GUCY1A2: variants seen among roughly 807,000 people sequenced by gnomAD.
The protein encoded by GUCY1A2 is guanylate cyclase 1 soluble subunit alpha 2, also known as guanylate cyclase soluble subunit alpha-2.
GUCY1A2 carries 27 observed loss-of-function variants against 63.5 expected under a neutral mutation model. The observed-to-expected ratio is 0.43, with a 90% CI of 0.31 to 0.59. The LOEUF (loss-of-function observed/expected upper bound fraction) is 0.59. Among genes scored for constraint, GUCY1A2 ranks in the 20% least tolerant of loss-of-function variants. The pLI is 0.11. For synonymous variants in GUCY1A2, 364 were observed against 343.5 expected (o/e 1.06, Z -0.66); for missense variants, 768 against 913.3 (o/e 0.84, Z 2.05).
intron 4 of GUCY1A2, among the ~76,000 whole-genome samples, chr11:106,842,093 C>A (rs1015404726): frequency 6.6e-6 from 1 of 151,866 alleles, no homozygotes; most frequent in South Asian, 2.1e-4. Flanking sequence ...CTGGTTTATT[C>A]ATTCTCTTGG....
intron 5 of GUCY1A2, among the ~76,000 whole-genome samples, chr11:106,809,652 T>C (rs1858737491): frequency 6.6e-6 from 1 of 152,274 alleles, no homozygotes; most frequent in East Asian, 1.9e-4. Context: ...TCTTAGTTTA[T>C]ATTGGAACCC....
intron 4 of GUCY1A2, among the ~76,000 whole-genome samples, chr11:106,853,316 C>T (rs1025112750): frequency 1.3e-5 from 2 of 151,958 alleles, no homozygotes; most frequent in Admixed American, 6.6e-5. Context: ...GGATGTTCTT[C>T]ACTCCTTTTA....
chr11:106,859,249 C>G (rs1859476303), intron 4 of GUCY1A2, among the ~76,000 whole-genome samples: 1 of 151,882 alleles, frequency 6.6e-6, no homozygotes, highest in Admixed American at 6.6e-5. Flanking sequence ...AAACCTGAAT[C>G]CAATCCTGTG....
At chr11:106,689,647 A>C (rs1352154277) in intron 7 of GUCY1A2, among the ~76,000 whole-genome samples, 2 of 152,208 alleles carry the variant, frequency 1.3e-5, no homozygotes, top group Non-Finnish European at 2.9e-5. Flanking sequence ...AGAAATGCAA[A>C]TCAAAACCAC....
chr11:106,687,481 C>T lies in GUCY1A2; in HGVS notation c.*68G>A. On this transcript the variant is annotated 3_prime_UTR_variant, in exon 8 of 8. Coordinates refer to ENST00000526355, the MANE Select transcript of GUCY1A2 (RefSeq NM_000855.3). ...CAATGAAAGAGACACAATCTCTTTC[C>T]ACCCCCCATTGGTGACCCATGTTCT... is the stretch of plus-strand genomic sequence containing the variant. 1.8e-6 allele frequency: 2 copies of T among 1,110,384 alleles called. No homozygotes were observed. Among genetic ancestry groups the T allele is most frequent in the Non-Finnish European group, 2.7e-6 (2 of 730,200 alleles). 68.8% of individuals were successfully genotyped at this position (1,110,384 alleles called of 1,614,324 possible). A position where few individuals can be genotyped will look rare whatever the true frequency, so the allele number is the denominator to read the frequency against.
At chr11:106,862,251 A>C (rs1859523055) in intron 4 of GUCY1A2, among the ~76,000 whole-genome samples, 1 of 152,018 alleles carries the variant, frequency 6.6e-6, no homozygotes, top group Non-Finnish European at 1.5e-5. Flanking sequence ...ACCTCAAACA[A>C]GTTCCTAAGT....
chr11:106,952,447 T>C (rs1314151863), intron 3 of GUCY1A2, among the ~76,000 whole-genome samples: 1 of 152,046 alleles, frequency 6.6e-6, no homozygotes, highest in Non-Finnish European at 1.5e-5. Context: ...CTTGAAGAGG[T>C]CTTCACATCC....
At chr11:106,869,231 T>C (rs1204737375) in intron 4 of GUCY1A2, among the ~76,000 whole-genome samples, 1 of 152,108 alleles carries the variant, frequency 6.6e-6, no homozygotes, top group Non-Finnish European at 1.5e-5. Context: ...CCAAAAGCAA[T>C]GGCAACAAAT....
At chr11:106,945,605 TA>T (rs898691774) in intron 3 of GUCY1A2, among the ~76,000 whole-genome samples, 4 of 152,220 alleles carry the variant, frequency 2.6e-5, no homozygotes, top group Non-Finnish European at 5.9e-5. Context: ...CATTTATACA[TA>T]TTAGACATGT....
At chr11:106,835,843 C>T (rs930383940) in intron 4 of GUCY1A2, among the ~76,000 whole-genome samples, 4 of 151,700 alleles carry the variant, frequency 2.6e-5, no homozygotes, top group African/African-American at 7.2e-5. Flanking sequence ...ATGAATAACA[C>T]AAAAGAAAAT....
rs148131786 is a variant in GUCY1A2 at position 106,688,424 on chromosome 11, G to A, written c.1992-668C>T. ...TGGAATAAATTTATTCTTTAAACTTGTCCAGTTTCATGAAAGGTTCAGTTT... is the reference window on the plus strand; with the variant it reads ...TGGAATAAATTTATTCTTTAAACTTATCCAGTTTCATGAAAGGTTCAGTTT... On this transcript the variant is annotated intron_variant, in intron 7 of 7. Coordinates refer to ENST00000526355, the MANE Select transcript of GUCY1A2 (RefSeq NM_000855.3). Among the ~76,000 whole-genome samples the A allele has an allele frequency of 2.6e-5, 4 of 152,158 alleles. No individual in the cohort carries two copies. The East Asian group carries it at 7.7e-4, about 29-fold the overall frequency.
intron 4 of GUCY1A2, among the ~76,000 whole-genome samples, chr11:106,817,413 TAG>T (rs148872052): frequency 0.018 from 2,676 of 152,074 alleles, 129 homozygotes; most frequent in Admixed American, 0.1. Context: ...AAAGAAAACA[TAG>T]AGGAAAAGCT....
chr11:106,976,249 T>A (rs575818219), intron 3 of GUCY1A2, among the ~76,000 whole-genome samples: 2 of 151,738 alleles, frequency 1.3e-5, no homozygotes, highest in Non-Finnish European at 2.9e-5. Context: ...CCTTCTGCCA[T>A]CCAAAAAAAA....
intron 4 of GUCY1A2, among the ~76,000 whole-genome samples, chr11:106,830,619 T>G (rs1744457888): frequency 6.6e-6 from 1 of 152,216 alleles, no homozygotes; most frequent in Non-Finnish European, 1.5e-5. Context: ...TGCTTCCTGC[T>G]CTCGAACAAC....
chr11:106,690,563 A>G (rs1862605356), intron 7 of GUCY1A2, among the ~76,000 whole-genome samples: 1 of 152,162 alleles, frequency 6.6e-6, no homozygotes, highest in African/African-American at 2.4e-5. Flanking sequence ...AGGTTCAGGA[A>G]AATAACTAAT....
chr11:107,012,478 A>C (rs1392771705), intron 1 of GUCY1A2, among the ~76,000 whole-genome samples: 1 of 152,172 alleles, frequency 6.6e-6, no homozygotes. Context: ...ATACACAACA[A>C]ACCTACAAGG....
intron 4 of GUCY1A2, among the ~76,000 whole-genome samples, chr11:106,923,100 T>C (rs191128921): frequency 2.3e-4 from 35 of 152,254 alleles, no homozygotes; most frequent in African/African-American, 8.4e-4. Context: ...TTCTTTGCAA[T>C]TTATGCCAGG....
intron 4 of GUCY1A2, among the ~76,000 whole-genome samples, chr11:106,928,344 C>T (rs1401011463): frequency 2.0e-5 from 3 of 152,074 alleles, no homozygotes; most frequent in Non-Finnish European, 4.4e-5. Context: ...TAACATCAGC[C>T]AACAACAACT....
At chr11:106,976,859 C>T (rs1286109640) in intron 3 of GUCY1A2, among the ~76,000 whole-genome samples, 1 of 152,146 alleles carries the variant, frequency 6.6e-6, no homozygotes, top group African/African-American at 2.4e-5. Flanking sequence ...TTCTCACTCA[C>T]TACTTATCCA....
Sources: gnomAD v4.1 joint callset for allele counts (sites outside exome capture counted in the v4.1 genomes callset) on GRCh38, gnomAD v4.1.1 for gene constraint, MANE v1.5 for transcripts, NCBI Gene and HGNC (gene_info 2026-07-23, HGNC 2026-07-21) for gene names.